The following FMNL2 variants were observed in gnomAD, a reference collection of about 807,000 sequenced individuals.
The protein encoded by FMNL2 is formin-like protein 2.
Under a neutral mutation model 130.2 loss-of-function variants are expected in FMNL2, and 51 were observed. The observed-to-expected ratio is 0.39, with a 90% confidence interval of 0.31 to 0.49. The LOEUF (loss-of-function observed/expected upper bound fraction) is 0.49. Among genes scored for constraint, FMNL2 ranks in the 20% least tolerant of loss-of-function variants. The probability of loss-of-function intolerance (pLI) is 0.85; values close to 1 mark genes in which losing one functional copy is unlikely to be tolerated. For missense variants in FMNL2, 977 were observed against 1,316.2 expected (o/e 0.74, Z 3.99); for synonymous variants, 465 against 467.1 (o/e 1.00, Z 0.06).
intron 6 of FMNL2, among the ~76,000 whole-genome samples, chr2:152,569,629 G>A (rs1314184285): frequency 4.0e-5 from 6 of 148,290 alleles, no homozygotes; most frequent in South Asian, 2.1e-4. Flanking sequence ...TGCAATGTGC[G>A]GAGATCATGC....
At position 152,589,961 on chromosome 2, in the gene FMNL2, A is replaced by ATATG. The variant is rs1339507790; in HGVS notation, c.876+8915_876+8916insGTAT. Among the ~76,000 whole-genome samples the ATATG allele has an allele frequency of 8.4e-5, 4 of 47,422 alleles. No individual in the cohort carries two copies. In the East Asian group the frequency reaches 3.2e-3, roughly 38 times the overall value. The allele number at this position is 47,422 out of a possible 152,430, so 31.1% of individuals were successfully genotyped here. A position where few individuals can be genotyped will look rare whatever the true frequency, so the allele number is the denominator to read the frequency against. ...TATACATATATATATATATATATAT[A>ATATG]TATATATATATATATATATATATGT... On this transcript the variant is annotated intron_variant, in intron 9 of 25. Coordinates refer to ENST00000288670, the MANE Select transcript of FMNL2 (RefSeq NM_052905.4).
chr2:152,453,296 C>G (rs1688756543), intron 1 of FMNL2, among the ~76,000 whole-genome samples: 1 of 151,980 alleles, frequency 6.6e-6, no homozygotes, highest in Non-Finnish European at 1.5e-5. Context: ...CCTGACTGAC[C>G]CAGTGTGATT....
intron 1 of FMNL2, among the ~76,000 whole-genome samples, chr2:152,413,011 C>T (rs1380790058): frequency 6.6e-6 from 1 of 152,104 alleles, no homozygotes; most frequent in East Asian, 1.9e-4. Flanking sequence ...TCTAACCCAG[C>T]AGATAGAAAA....
At chr2:152,509,737 CTTTT>C (rs138976882) in intron 1 of FMNL2, among the ~76,000 whole-genome samples, 11 of 58,674 alleles carry the variant, frequency 1.9e-4, no homozygotes, top group East Asian at 1.2e-3. Context: ...TACTCTGGAC[CTTTT>C]TTTTTTTTTT....
intron 1 of FMNL2, among the ~76,000 whole-genome samples, chr2:152,351,781 C>T (rs1043316848): frequency 6.6e-6 from 1 of 152,208 alleles, no homozygotes; most frequent in Non-Finnish European, 1.5e-5. Flanking sequence ...ACCACACTGT[C>T]TTCCACAATG....
intron 9 of FMNL2, among the ~76,000 whole-genome samples, chr2:152,602,611 C>G (rs1698136482): frequency 6.6e-6 from 1 of 152,096 alleles, no homozygotes; most frequent in Non-Finnish European, 1.5e-5. Context: ...ATATAAAAGT[C>G]AAGAATGACA....
At position 152,404,742 on chromosome 2, in the gene FMNL2, C is replaced by T. The variant is rs71417223; in HGVS notation, c.117+69022C>T. Among the ~76,000 whole-genome samples, 271 of 152,166 alleles carry T rather than the reference C, an allele frequency of 1.8e-3. 1 individual carries two copies. The highest frequency in any genetic ancestry group is 0.01 in the Middle Eastern group (3 of 294). The stretch of plus-strand genomic sequence containing the variant: ...TTGCATCATTCAGTCCAGTGGGTGC[C>T]GTTAGCTACCATCCTAGAGTGGGTG... On this transcript the variant is annotated intron_variant, in intron 1 of 25. Coordinates refer to ENST00000288670, the MANE Select transcript of FMNL2 (RefSeq NM_052905.4).
intron 1 of FMNL2, among the ~76,000 whole-genome samples, chr2:152,454,371 T>G (rs2105086597): frequency 6.6e-6 from 1 of 152,346 alleles, no homozygotes; most frequent in Non-Finnish European, 1.5e-5. Flanking sequence ...TTCTTAATCT[T>G]TATTTTTTCT....
chr2:152,625,620 G>T lies in FMNL2; in HGVS notation c.1962+58G>T, dbSNP rs1305805417. 3 of 1,542,196 alleles carry T rather than the reference G, an allele frequency of 1.9e-6. No individual in the cohort carries two copies. The African/African-American group carries it at 4.1e-5, about 21-fold the overall frequency. The stretch of plus-strand genomic sequence containing the variant: ...CACTCTGTGCAGCAAAGCCGGCATG[G>T]GTGTTCTGTTAACCTGGAAGTGTCA... On this transcript the variant is annotated intron_variant, in intron 16 of 25. Transcript: ENST00000288670.
chr2:152,454,530 G>A (rs1688844588), intron 1 of FMNL2, among the ~76,000 whole-genome samples: 1 of 152,162 alleles, frequency 6.6e-6, no homozygotes, highest in African/African-American at 2.4e-5. Flanking sequence ...TGGATCACGG[G>A]TAGCATAGGG....
chr2:152,335,516 G>A lies in FMNL2; in HGVS notation c.-88G>A, dbSNP rs1402675294. 4 of 1,061,496 alleles carry A rather than the reference G, an allele frequency of 3.8e-6. No homozygotes were observed. The African/African-American group carries it at 5.0e-5, about 13-fold the overall frequency. The allele number at this position is 1,061,496 out of a possible 1,614,324, so 65.8% of individuals were successfully genotyped here. A position where few individuals can be genotyped will look rare whatever the true frequency, so the allele number is the denominator to read the frequency against. On this transcript the variant is annotated 5_prime_UTR_variant, in exon 1 of 26. Transcript: ENST00000288670. ...GGGAGCCGGGCAGGTCGCGCCTGCG[G>A]GCGGCAGCCGACCGCCGGGAGCTGT...
At chr2:152,513,649 G>T (rs1296331840) in intron 1 of FMNL2, among the ~76,000 whole-genome samples, 1 of 152,126 alleles carries the variant, frequency 6.6e-6, no homozygotes, top group Non-Finnish European at 1.5e-5. Context: ...AGCCTTCTAA[G>T]AAAATAGACT....
At chr2:152,453,327 G>A (rs143419876) in intron 1 of FMNL2, among the ~76,000 whole-genome samples, 31 of 152,282 alleles carry the variant, frequency 2.0e-4, no homozygotes, top group Non-Finnish European at 3.1e-4. Flanking sequence ...TTCATTAGGA[G>A]CAGTCTGCTC....
intron 1 of FMNL2, among the ~76,000 whole-genome samples, chr2:152,470,584 G>A (rs976746179): frequency 6.6e-6 from 1 of 152,202 alleles, no homozygotes; most frequent in Admixed American, 6.5e-5. Flanking sequence ...GAAAAAATAC[G>A]CTTAATCAAC....
chr2:152,346,471 C>A (rs1682127820), intron 1 of FMNL2, among the ~76,000 whole-genome samples: 1 of 151,758 alleles, frequency 6.6e-6, no homozygotes, highest in African/African-American at 2.4e-5. Context: ...CAGCAAGATC[C>A]TGTGCCTGTG....
At chr2:152,572,872 T>G (rs917466743) in intron 6 of FMNL2, among the ~76,000 whole-genome samples, 7 of 152,026 alleles carry the variant, frequency 4.6e-5, no homozygotes, top group African/African-American at 1.7e-4. Context: ...TTACAAAAAT[T>G]GTCAGATTCC....
At chr2:152,427,052 C>G (rs773241263) in intron 1 of FMNL2, among the ~76,000 whole-genome samples, 5 of 152,154 alleles carry the variant, frequency 3.3e-5, no homozygotes, top group African/African-American at 1.2e-4. Context: ...TCCAACTCCT[C>G]GTAGGAGAGG....
chr2:152,465,865 A>G (rs990720194), intron 1 of FMNL2, among the ~76,000 whole-genome samples: 2 of 152,222 alleles, frequency 1.3e-5, no homozygotes, highest in African/African-American at 4.8e-5. Context: ...GAACATGGAG[A>G]TGTGATAGAA....
chr2:152,504,241 A>G (rs1253485991), intron 1 of FMNL2, among the ~76,000 whole-genome samples: 1 of 150,120 alleles, frequency 6.7e-6, no homozygotes, highest in East Asian at 2.0e-4. Context: ...GATGACTCCT[A>G]CCCACATGCA....
Sources: allele counts gnomAD v4.1 joint callset (sites outside exome capture counted in the v4.1 genomes callset), GRCh38; gene constraint gnomAD v4.1.1; transcripts MANE v1.5; gene names NCBI Gene and HGNC (gene_info 2026-07-23, HGNC 2026-07-21).